The following ANKRD30B variants were observed in gnomAD, a reference collection of about 807,000 sequenced individuals.
ANKRD30B encodes ankyrin repeat domain-containing protein 30B.
A neutral mutation model predicts 202.2 loss-of-function variants in ANKRD30B; 144 were observed. The ratio of observed to expected loss-of-function variants is 0.71; its 90% CI spans 0.62 to 0.82. The LOEUF (loss-of-function observed/expected upper bound fraction) is 0.82. ANKRD30B is among the 40% of genes least tolerant of loss of function. The probability of loss-of-function intolerance (pLI) is 0.00; values close to 1 mark genes in which losing one functional copy is unlikely to be tolerated. For missense variants in ANKRD30B, 1,487 were observed against 1,669.1 expected, an observed-to-expected ratio of 0.89 and a Z score of 1.90; for synonymous variants, 508 against 561.3, an observed-to-expected ratio of 0.91 and a Z score of 1.34.
intron 34 of ANKRD30B, among the ~76,000 whole-genome samples, chr18:14,834,700 G>A (rs1333536799): frequency 6.6e-6 from 1 of 151,776 alleles, no homozygotes. Context: ...CTAGCATAAA[G>A]GAAAGATAAA....
intron 30 of ANKRD30B, among the ~76,000 whole-genome samples, chr18:14,821,148 C>G (rs1002054738): frequency 6.6e-6 from 1 of 152,062 alleles, no homozygotes; most frequent in Admixed American, 6.6e-5. Context: ...AGTTTATTTG[C>G]GTAGAGGTGT....
chr18:14,875,220 G>C, the ANKRD30B span, among the ~76,000 whole-genome samples: 2 of 152,194 alleles, frequency 1.3e-5, no homozygotes, highest in Admixed American at 6.5e-5. Flanking sequence ...AAGCGATTTT[G>C]TGTCCTCTGG....
chr18:14,781,288 C>CTTTTTTTTTT (rs892666549), intron 11 of ANKRD30B, among the ~76,000 whole-genome samples: 9 of 85,672 alleles, frequency 1.1e-4, no homozygotes, highest in East Asian at 3.8e-4. Flanking sequence ...TCTGAGTATT[C>CTTTTTTTTTT]TTTTTTTTTT....
chr18:14,756,975 T>G (rs1914470229), intron 4 of ANKRD30B, among the ~76,000 whole-genome samples: 1 of 152,250 alleles, frequency 6.6e-6, no homozygotes, highest in African/African-American at 2.4e-5. Flanking sequence ...TTAATAAAGT[T>G]GTTTTCTTTG....
chr18:14,838,235 T>C (rs1419575122), intron 36 of ANKRD30B, among the ~76,000 whole-genome samples: 1 of 152,210 alleles, frequency 6.6e-6, no homozygotes, highest in East Asian at 1.9e-4. Context: ...CTAAATGATT[T>C]CTCCACATTC....
At chr18:14,807,666 C>T (rs185898837) in intron 24 of ANKRD30B, among the ~76,000 whole-genome samples, 2 of 149,030 alleles carry the variant, frequency 1.3e-5, no homozygotes, top group African/African-American at 5.0e-5. Context: ...CAAGTAGCTG[C>T]GGTTACAGGC....
chr18:14,879,848 G>A, the ANKRD30B span, among the ~76,000 whole-genome samples: 8 of 152,086 alleles, frequency 5.3e-5, no homozygotes, highest in African/African-American at 1.4e-4. Flanking sequence ...CTACTCTGCT[G>A]ACTGTTTCCT....
In ANKRD30B at chr18:14,786,044, C is replaced by CA. The variant is rs10572502; in HGVS notation, c.1673-968dup. Reference sequence around the variant, plus strand: ...TGGGCGACAGAGCGAGACTCCGTCTCAAAAAAAAAAAAAAAAAAAAAAAAA... The same window carrying CA: ...TGGGCGACAGAGCGAGACTCCGTCTCAAAAAAAAAAAAAAAAAAAAAAAAAA... On this transcript the variant is annotated intron_variant, in intron 14 of 43. Coordinates refer to ENST00000690538, the MANE Select transcript of ANKRD30B (RefSeq NM_001367607.2). Among the ~76,000 whole-genome samples the CA allele has an allele frequency of 8.0e-3, 581 of 72,742 alleles. 82 individuals are homozygous for CA. Among genetic ancestry groups the CA allele is most frequent in the African/African-American group, 0.025 (408 of 16,314 alleles). The allele number at this position is 72,742 out of a possible 152,430, so 47.7% of individuals were successfully genotyped here. A position where few individuals can be genotyped will look rare whatever the true frequency, so the allele number is the denominator to read the frequency against.
chr18:14,797,633 T>C (rs758503527), intron 18 of ANKRD30B, 28 bp from the exon 19 acceptor site: 15 of 1,596,354 alleles, frequency 9.4e-6, no homozygotes, highest in Non-Finnish European at 1.2e-5. Flanking sequence ...TTGCATATAA[T>C]CAATTATAAA....
intron 14 of ANKRD30B, 96 bp from the exon 15 acceptor site, chr18:14,786,943 C>G (rs1968119679): frequency 4.8e-6 from 6 of 1,258,282 alleles, no homozygotes; most frequent in Admixed American, 2.4e-5. Flanking sequence ...AGAGGAAAAA[C>G]TACAGATTCG....
intron 13 of ANKRD30B, 45 bp downstream of exon 13, chr18:14,784,409 T>C: frequency 6.2e-7 from 1 of 1,612,412 alleles, no homozygotes; most frequent in Non-Finnish European, 8.5e-7. Flanking sequence ...ATTAACTATG[T>C]ACTTTGTGAA....
intron 39 of ANKRD30B, 28 bp from the exon 40 acceptor site, chr18:14,848,688 T>A: frequency 6.9e-7 from 1 of 1,448,624 alleles, no homozygotes; most frequent in South Asian, 1.5e-5. Flanking sequence ...TACTAATATA[T>A]TTTATTTCTA....
intron 24 of ANKRD30B, among the ~76,000 whole-genome samples, chr18:14,805,342 A>C (rs552842304): frequency 9.3e-5 from 14 of 151,126 alleles, no homozygotes; most frequent in South Asian, 2.1e-4. Context: ...AAGTCTGTTG[A>C]AACTAAATTT....
the ANKRD30B span, among the ~76,000 whole-genome samples, chr18:14,890,458 A>G: frequency 6.6e-6 from 1 of 151,568 alleles, no homozygotes; most frequent in African/African-American, 2.4e-5. Flanking sequence ...GCTCTTATGT[A>G]TTAACTCATT....
Position 14,752,805 on chromosome 18 carries a change from A to C in ANKRD30B, c.337-34A>C, listed in dbSNP as rs774131799. On this transcript the variant is annotated intron_variant, in intron 2 of 43. Coordinates refer to ENST00000690538, the MANE Select transcript of ANKRD30B (RefSeq NM_001367607.2). ...GGAATACTTATTTTGATTTCCTATAATTTATAATGTACTTCTTGCTTTAAT... is the reference window on the plus strand; with the variant it reads ...GGAATACTTATTTTGATTTCCTATACTTTATAATGTACTTCTTGCTTTAAT... 3.2e-6 allele frequency: 5 copies of C among 1,579,764 alleles called. No homozygotes were observed. In the South Asian group the frequency reaches 4.6e-5, roughly 14 times the overall value.
At chr18:14,856,475 A>G (rs1972111511), downstream of ANKRD30B, among the ~76,000 whole-genome samples, 3 of 124,250 alleles carry the variant, frequency 2.4e-5, no homozygotes, top group Non-Finnish European at 3.5e-5. Context: ...GGCCAGAGGA[A>G]CTCCTCACCT....
the ANKRD30B span, among the ~76,000 whole-genome samples, chr18:14,887,214 T>C: frequency 6.6e-6 from 1 of 152,088 alleles, no homozygotes; most frequent in Non-Finnish European, 1.5e-5. Flanking sequence ...TCCTGTTATC[T>C]GTAGGCTGAC....
chr18:14,786,305 A>C (rs555902828), intron 14 of ANKRD30B, among the ~76,000 whole-genome samples: 4 of 152,204 alleles, frequency 2.6e-5, no homozygotes, highest in Admixed American at 2.6e-4. Flanking sequence ...ATCCTATACA[A>C]CATGTGGGAA....
At chr18:14,865,199 C>T in the ANKRD30B span, among the ~76,000 whole-genome samples, 6 of 151,828 alleles carry the variant, frequency 4.0e-5, no homozygotes, top group South Asian at 1.3e-3. Flanking sequence ...TTTCGCAAAA[C>T]CTTTTCACTT....
Sources: allele counts gnomAD v4.1 joint callset (sites outside exome capture counted in the v4.1 genomes callset), GRCh38; gene constraint gnomAD v4.1.1; transcripts MANE v1.5; gene names NCBI Gene and HGNC (gene_info 2026-07-23, HGNC 2026-07-21).